MITF: variants seen among roughly 807,000 people sequenced by gnomAD.
MITF encodes microphthalmia-associated transcription factor.
In MITF, 17 loss-of-function variants were observed where a neutral mutation model predicts 60.5. The observed-to-expected ratio is 0.28, with a 90% CI of 0.19 to 0.42. The LOEUF (loss-of-function observed/expected upper bound fraction) is 0.42. Ranked by LOEUF, MITF falls within the 10% of genes least tolerant of loss-of-function variation. The probability of loss-of-function intolerance (pLI) is 1.00; values close to 1 mark genes in which losing one functional copy is unlikely to be tolerated. For synonymous variants in MITF, 260 were observed against 248.5 expected, an observed-to-expected ratio of 1.05 and a Z score of -0.43; for missense variants, 622 against 683.5, an observed-to-expected ratio of 0.91 and a Z score of 1.00.
chr3:69,789,483 A>G (rs2062704559), intron 1 of MITF, among the ~76,000 whole-genome samples: 1 of 152,190 alleles, frequency 6.6e-6, no homozygotes, highest in Non-Finnish European at 1.5e-5. Flanking sequence ...AAGAAAAATA[A>G]TGACTCTTGT....
intron 7 of MITF, among the ~76,000 whole-genome samples, chr3:69,954,534 G>A (rs2066348866): frequency 6.6e-6 from 1 of 152,182 alleles, no homozygotes; most frequent in African/African-American, 2.4e-5. Flanking sequence ...AGTGTTCCAG[G>A]CAGGTGGAAC....
chr3:69,789,441 T>C (rs1470970396), intron 1 of MITF, among the ~76,000 whole-genome samples: 1 of 152,102 alleles, frequency 6.6e-6, no homozygotes, highest in African/African-American at 2.4e-5. Context: ...CAGAGAAGTA[T>C]CACCTCATAC....
At chr3:69,918,028 A>G (rs904605419) in intron 2 of MITF, among the ~76,000 whole-genome samples, 1 of 151,502 alleles carries the variant, frequency 6.6e-6, no homozygotes, top group African/African-American at 2.4e-5. Flanking sequence ...CTTTTCTCTA[A>G]ATTTTCTCCA....
At chr3:69,877,398 G>A (rs2064379624) in intron 1 of MITF, among the ~76,000 whole-genome samples, 1 of 151,420 alleles carries the variant, frequency 6.6e-6, no homozygotes, top group African/African-American at 2.4e-5. Flanking sequence ...ACCAGCAATG[G>A]TGTAGAGTAA....
rs564665502 is a variant in MITF at position 69,855,282 on chromosome 3, C to G, written c.105-23852C>G. ...AAGCAAAAAAAAAAAAAAAAAAACACTTAAAGAAAAAAAAGTACATATCTT... is the reference window on the plus strand; with the variant it reads ...AAGCAAAAAAAAAAAAAAAAAAACAGTTAAAGAAAAAAAAGTACATATCTT... On this transcript the variant is annotated intron_variant, in intron 1 of 9. Coordinates refer to ENST00000352241, the MANE Select transcript of MITF (RefSeq NM_001354604.2). Among the ~76,000 whole-genome samples the G allele has an allele frequency of 6.2e-3, 812 of 131,772 alleles. 8 individuals carry two copies. The highest frequency in any genetic ancestry group is 0.021 in the African/African-American group (744 of 35,564). The allele number at this position is 131,772 out of a possible 152,430, so 86.4% of individuals were successfully genotyped here. A position where few individuals can be genotyped will look rare whatever the true frequency, so the allele number is the denominator to read the frequency against.
chr3:69,900,450 TCTC>T (rs997041940), intron 2 of MITF, among the ~76,000 whole-genome samples: 1 of 152,168 alleles, frequency 6.6e-6, no homozygotes, highest in African/African-American at 2.4e-5. Flanking sequence ...CTGAATTCCT[TCTC>T]CTCCTTCTTG....
intron 1 of MITF, among the ~76,000 whole-genome samples, chr3:69,838,817 C>T (rs759995046): frequency 6.6e-6 from 1 of 152,148 alleles, no homozygotes; most frequent in Non-Finnish European, 1.5e-5. Context: ...GCCTTACCTC[C>T]CCCTAATTTT....
At chr3:69,745,217 G>A (rs1703677880) in intron 1 of MITF, among the ~76,000 whole-genome samples, 2 of 152,168 alleles carry the variant, frequency 1.3e-5, no homozygotes, top group Admixed American at 6.5e-5. Context: ...TACAGAGAGG[G>A]AAACTCAGGT....
rs758711228 is a variant in MITF, at chr3:69,941,263, A to G, written c.694A>G (p.Ser232Gly). The stretch of plus-strand genomic sequence containing the variant: ...GGATGATGTAATCGATGACATCATT[A>G]GCCTAGAATCAAGTTATAATGAGGA... The part of the protein sequence containing the change: ...QMDDVIDDII[S>G]LESSYNEEIL... Residue 232 changes from serine (S) to glycine (G), a missense_variant, in exon 5 of 10, where the codon AGC becomes GGC. Transcript: ENST00000352241. 1.2e-6 allele frequency: 2 copies of G among 1,612,642 alleles called. No homozygotes were observed. Among genetic ancestry groups the G allele is most frequent in the South Asian group, 2.2e-5 (2 of 91,012 alleles).
intron 1 of MITF, among the ~76,000 whole-genome samples, chr3:69,851,407 G>A (rs2063821757): frequency 6.6e-6 from 1 of 152,104 alleles, no homozygotes; most frequent in Non-Finnish European, 1.5e-5. Context: ...GAAACAGCCT[G>A]AATGTCCTTA....
chr3:69,871,378 T>C (rs2064233342), intron 1 of MITF, among the ~76,000 whole-genome samples: 1 of 152,204 alleles, frequency 6.6e-6, no homozygotes, highest in South Asian at 2.1e-4. Flanking sequence ...GGGTCGTACT[T>C]CCATGTCTGG....
intron 2 of MITF, among the ~76,000 whole-genome samples, chr3:69,911,129 G>A (rs973740420): frequency 1.3e-5 from 2 of 152,110 alleles, no homozygotes; most frequent in African/African-American, 4.8e-5. Context: ...CATGAGATTT[G>A]ATGGGTTTAT....
In MITF at chr3:69,832,679, C is replaced by T. The variant is rs1057440328; in HGVS notation, c.105-46455C>T. 1.1e-4 allele frequency among the ~76,000 whole-genome samples: 14 copies of T among 125,400 alleles called. No homozygotes were observed. In the South Asian group the frequency reaches 2.0e-3, roughly 18 times the overall value. 82.3% of individuals were successfully genotyped at this position (125,400 alleles called of 152,430 possible). A position where few individuals can be genotyped will look rare whatever the true frequency, so the allele number is the denominator to read the frequency against. On this transcript the variant is annotated intron_variant, in intron 1 of 9. Transcript: ENST00000352241. ...CTGTGTGTGGTTGTTTGTCTAGTTA[C>T]AGTGTATGTGTTTTTTTTGCCTCGT...
rs184756209 is a variant in MITF, at chr3:69,792,751, T to G, written c.104+53050T>G. Among the ~76,000 whole-genome samples, 38 of 152,232 alleles carry G rather than the reference T, an allele frequency of 2.5e-4. 1 individual carries two copies. Among genetic ancestry groups the G allele is most frequent in the Admixed American group, 2.2e-3 (34 of 15,294 alleles). Reference sequence around the variant, plus strand: ...GCTCAAAATCGCTACTTTTAATGGCTAATTTTTTTAATAGTATAGTTTTAT... The same window carrying G: ...GCTCAAAATCGCTACTTTTAATGGCGAATTTTTTTAATAGTATAGTTTTAT... On this transcript the variant is annotated intron_variant, in intron 1 of 9. Coordinates refer to ENST00000352241, the MANE Select transcript of MITF (RefSeq NM_001354604.2).
intron 1 of MITF, among the ~76,000 whole-genome samples, chr3:69,816,526 A>G (rs2063184292): frequency 6.6e-6 from 1 of 152,194 alleles, no homozygotes; most frequent in Non-Finnish European, 1.5e-5. Flanking sequence ...ATCTGGTACC[A>G]GCTGCTTTTC....
intron 5 of MITF, among the ~76,000 whole-genome samples, chr3:69,947,522 T>C (rs1347517670): frequency 6.6e-6 from 1 of 152,206 alleles, no homozygotes; most frequent in East Asian, 1.9e-4. Context: ...TCAAAGTCAC[T>C]TTTTATCAAT....
At chr3:69,832,360 G>A (rs765267666) in intron 1 of MITF, among the ~76,000 whole-genome samples, 7 of 152,156 alleles carry the variant, frequency 4.6e-5, no homozygotes, top group Non-Finnish European at 8.8e-5. Flanking sequence ...TTTTTCTCAG[G>A]GTTATGCAGG....
intron 1 of MITF, among the ~76,000 whole-genome samples, chr3:69,792,115 T>G (rs1472468588): frequency 1.3e-5 from 2 of 152,200 alleles, no homozygotes; most frequent in Non-Finnish European, 1.5e-5. Context: ...GAGATATGAC[T>G]AGTTGATTCC....
intron 1 of MITF, chr3:69,763,607 C>T (rs2062243204): frequency 2.5e-6 from 3 of 1,209,530 alleles, no homozygotes; most frequent in African/African-American, 1.6e-5. Context: ...TGTGGCAGAA[C>T]GTCTGCAATC....
Sources: allele counts gnomAD v4.1 joint callset (sites outside exome capture counted in the v4.1 genomes callset), GRCh38; gene constraint gnomAD v4.1.1; transcripts MANE v1.5; gene names NCBI Gene and HGNC (gene_info 2026-07-23, HGNC 2026-07-21).